TMEFF1: variants seen among roughly 807,000 people sequenced by gnomAD.
TMEFF1 encodes the protein tomoregulin-1.
In TMEFF1, 20 loss-of-function variants were observed where a neutral mutation model predicts 47.5. The observed-to-expected ratio is 0.42, with a 90% CI of 0.30 to 0.61. The LOEUF (loss-of-function observed/expected upper bound fraction) is 0.61, where lower values mean the gene tolerates loss of function less well. Ranked by LOEUF, TMEFF1 falls within the 20% of genes least tolerant of loss-of-function variation. The pLI is 0.19. For synonymous variants in TMEFF1, 162 were observed against 166.3 expected (o/e 0.97, Z 0.20); for missense variants, 411 against 471.1 (o/e 0.87, Z 1.18).
intron 2 of TMEFF1, among the ~76,000 whole-genome samples, chr9:100,505,063 A>T (rs1837830658): frequency 6.6e-6 from 1 of 152,228 alleles, no homozygotes; most frequent in African/African-American, 2.4e-5. Flanking sequence ...ATTACCATAG[A>T]AGAAAATACA....
intron 5 of TMEFF1, among the ~76,000 whole-genome samples, chr9:100,546,782 GGA>G (rs1402487958): frequency 1.3e-5 from 2 of 152,142 alleles, no homozygotes; most frequent in African/African-American, 4.8e-5. Flanking sequence ...GCTATAAACA[GGA>G]GAGTCTCTGT....
chr9:100,494,943 C>A (rs1312962333), intron 1 of TMEFF1, among the ~76,000 whole-genome samples: 2 of 152,118 alleles, frequency 1.3e-5, no homozygotes, highest in African/African-American at 4.8e-5. Context: ...CTGAAATCAT[C>A]TGATGTTAGT....
chr9:100,523,988 C>T (rs1449414063), intron 5 of TMEFF1, among the ~76,000 whole-genome samples: 1 of 152,060 alleles, frequency 6.6e-6, no homozygotes, highest in Non-Finnish European at 1.5e-5. Context: ...GCTGCCAATT[C>T]AAAAGCTTAA....
At chr9:100,539,660 A>G (rs1167668162) in intron 5 of TMEFF1, among the ~76,000 whole-genome samples, 1 of 152,118 alleles carries the variant, frequency 6.6e-6, no homozygotes, top group Non-Finnish European at 1.5e-5. Context: ...CGCGGACCCA[A>G]AGAGTGAGCA....
At chr9:100,484,320 A>ATT (rs773147004) in intron 1 of TMEFF1, among the ~76,000 whole-genome samples, 2 of 142,066 alleles carry the variant, frequency 1.4e-5, no homozygotes, top group Non-Finnish European at 3.1e-5. Flanking sequence ...GGAACTTTAC[A>ATT]TTTTTTTTTT....
intron 8 of TMEFF1, among the ~76,000 whole-genome samples, chr9:100,564,998 G>T (rs1839094371): frequency 6.6e-6 from 1 of 152,118 alleles, no homozygotes; most frequent in Non-Finnish European, 1.5e-5. Context: ...GGCTAACACA[G>T]GATTGAGTGG....
chr9:100,547,400 G>T (rs949465069), intron 5 of TMEFF1, among the ~76,000 whole-genome samples: 2 of 152,166 alleles, frequency 1.3e-5, no homozygotes, highest in African/African-American at 4.8e-5. Context: ...ACTAGGGGTA[G>T]AATTTAGATT....
chr9:100,530,932 A>G (rs1339923733), intron 5 of TMEFF1, among the ~76,000 whole-genome samples: 3 of 152,230 alleles, frequency 2.0e-5, no homozygotes, highest in African/African-American at 4.8e-5. Context: ...CTGGTTCAAT[A>G]TACGCAAATC....
At chr9:100,489,007 A>G (rs752987595) in intron 1 of TMEFF1, among the ~76,000 whole-genome samples, 3 of 152,116 alleles carry the variant, frequency 2.0e-5, no homozygotes, top group Non-Finnish European at 4.4e-5. Flanking sequence ...ATCACTATCT[A>G]CCATCTAATT....
In TMEFF1 at chr9:100,516,671, A is replaced by G. The variant is rs1027915679; in HGVS notation, c.464-4A>G. The G allele has an allele frequency of 1.2e-6, 2 of 1,607,262 alleles. No homozygotes were observed. The highest frequency in any genetic ancestry group is 1.7e-6 in the Non-Finnish European group (2 of 1,178,024). On this transcript the variant is annotated splice_polypyrimidine_tract_variant and splice_region_variant and intron_variant, in intron 4 of 9. Coordinates refer to ENST00000374879, the MANE Select transcript of TMEFF1 (RefSeq NM_003692.5). Reference sequence around the variant, plus strand: ...TTGTAAATTTGATTTTTCTTTTTAAACAGAAGAGGAAGGGTCAGGGGCAGA... The same window carrying G: ...TTGTAAATTTGATTTTTCTTTTTAAGCAGAAGAGGAAGGGTCAGGGGCAGA...
At chr9:100,491,190 T>C (rs1000264142) in intron 1 of TMEFF1, among the ~76,000 whole-genome samples, 14 of 152,228 alleles carry the variant, frequency 9.2e-5, no homozygotes, top group African/African-American at 3.4e-4. Flanking sequence ...TTTAAATGTT[T>C]CTGCTATTTT....
chr9:100,549,946 A>G, intron 6 of TMEFF1, 149 bp from the exon 7 acceptor site: 4 of 944,676 alleles, frequency 4.2e-6, no homozygotes, highest in East Asian at 3.0e-5. Flanking sequence ...CAGAAATGAC[A>G]TAATTGATTT....
At chr9:100,539,021 C>T (rs950815407) in intron 5 of TMEFF1, among the ~76,000 whole-genome samples, 1 of 152,120 alleles carries the variant, frequency 6.6e-6, no homozygotes, top group Non-Finnish European at 1.5e-5. Context: ...TTTCATGCTT[C>T]ACAGCCTCCT....
chr9:100,526,469 C>A (rs1340532114), intron 5 of TMEFF1, among the ~76,000 whole-genome samples: 1 of 151,630 alleles, frequency 6.6e-6, no homozygotes, highest in East Asian at 1.9e-4. Flanking sequence ...GTTTTTTTTG[C>A]TGTACTTTTT....
Position 100,473,922 on chromosome 9 carries a change from G to T in TMEFF1, c.196+182G>T, listed in dbSNP as rs1837169787. Among the ~76,000 whole-genome samples, 1 of 151,846 alleles carries T rather than the reference G, an allele frequency of 6.6e-6. No homozygotes were observed. ...CGGTGTGGCTTTGGGACCGGCGCTGGGGATGGGAGTGGCCGTGGGTGCGTC... is the reference window on the plus strand; with the variant it reads ...CGGTGTGGCTTTGGGACCGGCGCTGTGGATGGGAGTGGCCGTGGGTGCGTC... On this transcript the variant is annotated intron_variant, in intron 1 of 9. Coordinates refer to ENST00000374879, the MANE Select transcript of TMEFF1 (RefSeq NM_003692.5). This position sits in a 1 kb window ranked among gnomAD's most constrained non-coding sequence, Gnocchi z 5.4.
chr9:100,549,573 A>G (rs545888695), intron 6 of TMEFF1, among the ~76,000 whole-genome samples: 84 of 152,268 alleles, frequency 5.5e-4, no homozygotes, highest in African/African-American at 1.9e-3. Context: ...TGCCTCCTCC[A>G]CTAGTACTGG....
intron 5 of TMEFF1, among the ~76,000 whole-genome samples, chr9:100,519,647 CTTTT>C (rs60569330): frequency 3.1e-4 from 20 of 65,168 alleles, no homozygotes; most frequent in Non-Finnish European, 4.1e-4. Context: ...TGCCCAGTGA[CTTTT>C]TTTTTTTTTT....
At chr9:100,522,030 G>C (rs1022462156) in intron 5 of TMEFF1, among the ~76,000 whole-genome samples, 2 of 152,182 alleles carry the variant, frequency 1.3e-5, no homozygotes, top group Non-Finnish European at 2.9e-5. Flanking sequence ...TTTCTGGTCA[G>C]TACTACAATA....
chr9:100,572,494 A>AAT (rs1473074959), intron 8 of TMEFF1, 24 bp from the exon 9 acceptor site: 8 of 1,544,992 alleles, frequency 5.2e-6, no homozygotes, highest in East Asian at 2.3e-5. Flanking sequence ...TTTTCATAGG[A>AAT]ATATATATAT....
Sources: gnomAD v4.1 joint callset for allele counts (sites outside exome capture counted in the v4.1 genomes callset) on GRCh38, gnomAD v4.1.1 for gene constraint, Gnocchi (gnomAD v3.1) non-coding constraint, MANE v1.5 for transcripts, NCBI Gene and HGNC (gene_info 2026-07-23, HGNC 2026-07-21) for gene names.